LDB2: variants seen among roughly 807,000 people sequenced by gnomAD.
LDB2 encodes the protein LIM domain-binding protein 2.
A neutral mutation model predicts 44.3 loss-of-function variants in LDB2; 12 were observed. That is an observed-to-expected ratio of 0.27 (90% CI 0.17 to 0.44). The LOEUF (loss-of-function observed/expected upper bound fraction) is 0.44. Among genes scored for constraint, LDB2 ranks in the 20% least tolerant of loss-of-function variants. The probability of loss-of-function intolerance (pLI) is 1.00; values close to 1 mark genes in which losing one functional copy is unlikely to be tolerated. For synonymous variants in LDB2, 164 were observed against 174.8 expected, an observed-to-expected ratio of 0.94 and a Z score of 0.49; for missense variants, 344 against 473.5, an observed-to-expected ratio of 0.73 and a Z score of 2.54.
chr4:16,588,622 C>T, intron 4 of LDB2, 88 bp downstream of exon 4: 2 of 1,375,766 alleles, frequency 1.5e-6, no homozygotes, highest in South Asian at 1.3e-5. Context: ...GGAATTCTTT[C>T]ACAGAGAGAG....
At chr4:16,830,127 GAA>G (rs1783800851) in intron 1 of LDB2, among the ~76,000 whole-genome samples, 2 of 152,012 alleles carry the variant, frequency 1.3e-5, no homozygotes, top group Admixed American at 1.3e-4. Flanking sequence ...AAAAAAAGAA[GAA>G]AAAGAGAAGA....
chr4:16,677,517 C>G (rs1329601857), intron 2 of LDB2, among the ~76,000 whole-genome samples: 1 of 152,166 alleles, frequency 6.6e-6, no homozygotes, highest in South Asian at 2.1e-4. Flanking sequence ...CCACATCCCC[C>G]ACATTCAGAG....
At chr4:16,722,639 A>C (rs1287912236) in intron 2 of LDB2, among the ~76,000 whole-genome samples, 1 of 152,038 alleles carries the variant, frequency 6.6e-6, no homozygotes, top group Non-Finnish European at 1.5e-5. Flanking sequence ...TTCTCTCGGC[A>C]CTCACCATAC....
chr4:16,688,156 A>C (rs988161913), intron 2 of LDB2, among the ~76,000 whole-genome samples: 1 of 152,240 alleles, frequency 6.6e-6, no homozygotes, highest in African/African-American at 2.4e-5. Flanking sequence ...TAAAGTTCGC[A>C]TTGTTTTTGC....
intron 2 of LDB2, among the ~76,000 whole-genome samples, chr4:16,597,048 A>G (rs888229290): frequency 6.6e-6 from 1 of 152,250 alleles, no homozygotes; most frequent in African/African-American, 2.4e-5. Flanking sequence ...TAGCTAGGAA[A>G]GATCACCCAA....
Position 16,717,774 on chromosome 4 carries a change from C to T in LDB2, c.235+41384G>A, listed in dbSNP as rs573620941. On this transcript the variant is annotated intron_variant, in intron 2 of 7. Transcript: ENST00000304523. ...CCAAATTTCTCCCACGCATTTATGCCCTTTAAGTCTTCCTGAAAGTGGTAA... is the reference window on the plus strand; with the variant it reads ...CCAAATTTCTCCCACGCATTTATGCTCTTTAAGTCTTCCTGAAAGTGGTAA... Among the ~76,000 whole-genome samples the T allele has an allele frequency of 4.1e-4, 63 of 152,166 alleles. 1 individual carries two copies. The highest frequency in any genetic ancestry group is 5.0e-4 in the Non-Finnish European group (34 of 67,990).
intron 1 of LDB2, among the ~76,000 whole-genome samples, chr4:16,818,922 A>G (rs901269740): frequency 3.3e-5 from 5 of 152,200 alleles, no homozygotes; most frequent in African/African-American, 1.2e-4. Context: ...CTTCCAATCT[A>G]TAGAGTAAAT....
intron 5 of LDB2, among the ~76,000 whole-genome samples, chr4:16,542,531 A>G (rs1200402411): frequency 6.6e-6 from 1 of 152,148 alleles, no homozygotes; most frequent in African/African-American, 2.4e-5. Context: ...GCTGTAGCAG[A>G]GAGAACTAAG....
At chr4:16,524,277 T>C (rs533098217) in intron 5 of LDB2, among the ~76,000 whole-genome samples, 3 of 152,274 alleles carry the variant, frequency 2.0e-5, no homozygotes, top group African/African-American at 7.2e-5. Flanking sequence ...TGAGGCTCCC[T>C]GTTGGAGGGA....
At chr4:16,711,307 T>C (rs1755817578) in intron 2 of LDB2, among the ~76,000 whole-genome samples, 1 of 152,212 alleles carries the variant, frequency 6.6e-6, no homozygotes, top group African/African-American at 2.4e-5. Context: ...GAGATCTACT[T>C]TGTGCCAGGC....
At chr4:16,600,253 T>C (rs1722218500) in intron 2 of LDB2, among the ~76,000 whole-genome samples, 1 of 152,230 alleles carries the variant, frequency 6.6e-6, no homozygotes, top group Non-Finnish European at 1.5e-5. Context: ...TTTACATTTA[T>C]ACTTTAATCC....
At chr4:16,561,968 A>C (rs1742499459) in intron 5 of LDB2, among the ~76,000 whole-genome samples, 1 of 152,252 alleles carries the variant, frequency 6.6e-6, no homozygotes, top group Non-Finnish European at 1.5e-5. Context: ...AGCAATGGGG[A>C]AAGGATTCCC....
At chr4:16,864,378 A>C (rs1713884801) in intron 1 of LDB2, among the ~76,000 whole-genome samples, 1 of 151,220 alleles carries the variant, frequency 6.6e-6, no homozygotes. Context: ...GGTAATAAAA[A>C]CACCTTAAAA....
chr4:16,884,698 T>C (rs890320995), intron 1 of LDB2, among the ~76,000 whole-genome samples: 1 of 152,230 alleles, frequency 6.6e-6, no homozygotes, highest in African/African-American at 2.4e-5. Flanking sequence ...TCTTCGTCTC[T>C]AGACTAGTAA....
intron 1 of LDB2, among the ~76,000 whole-genome samples, chr4:16,786,928 T>C (rs61160489): frequency 0.019 from 2,871 of 152,258 alleles, 98 homozygotes; most frequent in African/African-American, 0.066. Context: ...AGTACACCTT[T>C]CTTCTGGCCT....
chr4:16,510,268 A>AT (rs375985979), intron 6 of LDB2, among the ~76,000 whole-genome samples: 4 of 152,008 alleles, frequency 2.6e-5, no homozygotes, highest in African/African-American at 7.3e-5. Flanking sequence ...CTCACCTACT[A>AT]TTTTTTTATC....
At chr4:16,593,547 G>A (rs1719852972) in intron 3 of LDB2, among the ~76,000 whole-genome samples, 1 of 152,070 alleles carries the variant, frequency 6.6e-6, no homozygotes, top group African/African-American at 2.4e-5. Context: ...AAATAAATGT[G>A]CATAATTAGC....
intron 5 of LDB2, among the ~76,000 whole-genome samples, chr4:16,534,032 T>C (rs1456268103): frequency 6.6e-6 from 1 of 152,214 alleles, no homozygotes; most frequent in Non-Finnish European, 1.5e-5. Flanking sequence ...TTGTGTGGAA[T>C]GCCACGATCT....
chr4:16,535,077 G>A (rs1023176696), intron 5 of LDB2, among the ~76,000 whole-genome samples: 1 of 152,182 alleles, frequency 6.6e-6, no homozygotes, highest in Non-Finnish European at 1.5e-5. Flanking sequence ...AGCCTAGCAG[G>A]CTTTTCCATG....
Sources: allele counts gnomAD v4.1 joint callset (sites outside exome capture counted in the v4.1 genomes callset), GRCh38; gene constraint gnomAD v4.1.1; transcripts MANE v1.5; gene names NCBI Gene and HGNC (gene_info 2026-07-23, HGNC 2026-07-21).